Variants in CRISPLD2 observed in about 807,000 individuals in gnomAD.
The protein encoded by CRISPLD2 is cysteine-rich secretory protein LCCL domain-containing 2.
A neutral mutation model predicts 71.1 loss-of-function variants in CRISPLD2; 47 were observed. The observed-to-expected ratio is 0.66, with a 90% CI of 0.52 to 0.84. CRISPLD2 has a LOEUF of 0.84. CRISPLD2 is among the 40% of genes least tolerant of loss of function. The probability of loss-of-function intolerance (pLI) is 0.00; values close to 1 mark genes in which losing one functional copy is unlikely to be tolerated. For synonymous variants in CRISPLD2, 317 were observed against 250.1 expected, an observed-to-expected ratio of 1.27 and a Z score of -2.52; for missense variants, 830 against 651.1, an observed-to-expected ratio of 1.27 and a Z score of -2.99.
intron 2 of CRISPLD2, chr16:84,839,406 C>T (rs16974704): frequency 0.025 from 4,384 of 178,370 alleles, 205 homozygotes; most frequent in African/African-American, 0.099. Flanking sequence ...TTCTCCTTAG[C>T]CCGTGTGAGC....
intron 14 of CRISPLD2, among the ~76,000 whole-genome samples, chr16:84,893,051 A>C (rs2071676669): frequency 6.6e-6 from 1 of 151,568 alleles, no homozygotes; most frequent in Admixed American, 6.6e-5. Context: ...CCCAGGGCAC[A>C]GATGATTGAG....
intron 14 of CRISPLD2, among the ~76,000 whole-genome samples, chr16:84,905,240 C>A (rs1464995519): frequency 6.6e-6 from 1 of 152,134 alleles, no homozygotes; most frequent in Non-Finnish European, 1.5e-5. Flanking sequence ...GCACTCTGGC[C>A]TTGGTGACAG....
Position 84,886,175 on chromosome 16 carries a change from C to T in CRISPLD2, c.1306-3055C>T, listed in dbSNP as rs144470238. 3.3e-5 allele frequency among the ~76,000 whole-genome samples: 5 copies of T among 152,234 alleles called. No individual in the cohort carries two copies. The East Asian group carries it at 9.7e-4, about 29-fold the overall frequency. ...AAAGTCCTGGGATTACAGGTGTAAG[C>T]CACCGCGCCGGCCAAATTGGTATTT... On this transcript the variant is annotated intron_variant, in intron 13 of 14. Coordinates refer to ENST00000262424, the MANE Select transcript of CRISPLD2 (RefSeq NM_031476.4).
rs763846881 is a variant in CRISPLD2 at position 84,868,842 on chromosome 16, C to G, written c.854-9C>G. 1.4e-5 allele frequency: 23 copies of G among 1,611,638 alleles called. No homozygotes were observed. The highest frequency in any genetic ancestry group is 3.3e-5 in the South Asian group (3 of 90,618). Reference sequence around the variant, plus strand: ...TGCCGTGACATGTATTCCCGCATTTCTCTCCTAGCCCAAGTCGTCAGATGT... The same window carrying G: ...TGCCGTGACATGTATTCCCGCATTTGTCTCCTAGCCCAAGTCGTCAGATGT... On this transcript the variant is annotated splice_polypyrimidine_tract_variant and intron_variant, in intron 7 of 14. Transcript: ENST00000262424.
chr16:84,859,069 A>T (rs1295458965), intron 6 of CRISPLD2, among the ~76,000 whole-genome samples: 2 of 152,120 alleles, frequency 1.3e-5, no homozygotes, highest in Non-Finnish European at 2.9e-5. Flanking sequence ...GGGATGCGAT[A>T]TTGTTTTTGA....
chr16:84,867,937 C>T (rs1335627834), intron 7 of CRISPLD2, among the ~76,000 whole-genome samples: 5 of 152,228 alleles, frequency 3.3e-5, no homozygotes, highest in Admixed American at 6.5e-5. Context: ...GCTGCGGGAA[C>T]TCATTTGCAG....
intron 6 of CRISPLD2, among the ~76,000 whole-genome samples, chr16:84,860,492 C>T (rs978313288): frequency 1.3e-5 from 2 of 152,176 alleles, no homozygotes; most frequent in African/African-American, 4.8e-5. Flanking sequence ...TTGGGGTTGG[C>T]TCCTGAGGAG....
intron 1 of CRISPLD2, 140 bp from the exon 2 acceptor site, chr16:84,838,282 G>C (rs1916675110): frequency 1.7e-6 from 1 of 598,734 alleles, no homozygotes; most frequent in Non-Finnish European, 2.9e-6. Flanking sequence ...GTGGGACCTT[G>C]CTTGTTTAGC....
chr16:84,882,347 C>CAAAAAAAAAAAAAAAAAAAAAAAAAAAAA, intron 13 of CRISPLD2, among the ~76,000 whole-genome samples: 1 of 77,490 alleles, frequency 1.3e-5, no homozygotes, highest in Non-Finnish European at 2.5e-5. Flanking sequence ...ACCAATAAAG[C>CAAAAAAAAAAAAAAAAAAAAAAAAAAAAA]AAAAAAAAAA....
chr16:84,852,718 G>A (rs555869711), intron 5 of CRISPLD2, among the ~76,000 whole-genome samples: 9 of 152,188 alleles, frequency 5.9e-5, no homozygotes, highest in South Asian at 2.1e-4. Flanking sequence ...GGGTGGGGTG[G>A]GTGTGTACAC....
At chr16:84,864,444 C>T (rs920398300) in intron 6 of CRISPLD2, among the ~76,000 whole-genome samples, 2 of 152,152 alleles carry the variant, frequency 1.3e-5, no homozygotes, top group South Asian at 2.1e-4. Flanking sequence ...GAAGAAAACC[C>T]GGCTTATTCT....
In CRISPLD2 at chr16:84,868,980, G is replaced by C; in HGVS notation, c.914+69G>C. ...TGTGCTGGGCTGTCCTACCACTGTG[G>C]CCTCTGGGCCTATGCTGGGCTGTCC... On this transcript the variant is annotated intron_variant, in intron 8 of 14. Coordinates refer to ENST00000262424, the MANE Select transcript of CRISPLD2 (RefSeq NM_031476.4). 4.4e-6 allele frequency: 6 copies of C among 1,354,338 alleles called. No homozygotes were observed. The South Asian group carries it at 8.0e-5, about 18-fold the overall frequency. The allele number at this position is 1,354,338 out of a possible 1,614,324, so 83.9% of individuals were successfully genotyped here. A position where few individuals can be genotyped will look rare whatever the true frequency, so the allele number is the denominator to read the frequency against.
intron 1 of CRISPLD2, among the ~76,000 whole-genome samples, chr16:84,830,235 T>C (rs1450208480): frequency 6.6e-6 from 1 of 152,124 alleles, no homozygotes; most frequent in Non-Finnish European, 1.5e-5. Context: ...GGTGGGAGGA[T>C]CATTTGAGCC....
chr16:84,873,922 A>C lies in CRISPLD2; in HGVS notation c.1115A>C (p.Lys372Thr), dbSNP rs772271835. 6.3e-7 allele frequency: 1 copy of C among 1,587,566 alleles called. No homozygotes were observed. The highest frequency in any genetic ancestry group is 1.9e-5 in the Admixed American group (1 of 53,264). The stretch of plus-strand genomic sequence containing the variant: ...TTTTTTTTTTTTTTTTTAAACAGCA[A>C]ATACAAACCTTCCAGCTCATTCATG... Reference protein sequence around the residue: ...SERHGVQSLSKYKPSSSFMVS... With the variant: ...SERHGVQSLSTYKPSSSFMVS... The change falls in exon 11 of 15, where the codon AAA becomes ACA. Residue 372 changes from lysine to threonine, a missense_variant and splice_region_variant. By Grantham distance (78) the Lys-to-Thr change is moderately conservative (BLOSUM62 -1). Coordinates refer to ENST00000262424, the MANE Select transcript of CRISPLD2 (RefSeq NM_031476.4).
chr16:84,854,591 G>C (rs1030509575), intron 5 of CRISPLD2, 138 bp from the exon 6 acceptor site: 1 of 675,416 alleles, frequency 1.5e-6, no homozygotes, highest in Non-Finnish European at 2.7e-6. Context: ...CATCTTTCCC[G>C]CTTCCCACAG....
Position 84,880,842 on chromosome 16 carries a change from GT to G in CRISPLD2, c.1305+260del, listed in dbSNP as rs2143317147. The G allele has an allele frequency of 1.7e-5, 5 of 300,294 alleles. No individual in the cohort carries two copies. The East Asian group carries it at 3.0e-4, about 18-fold the overall frequency. The allele number at this position is 300,294 out of a possible 1,614,324, so 18.6% of individuals were successfully genotyped here. On this transcript the variant is annotated intron_variant, in intron 13 of 14. Coordinates refer to ENST00000262424, the MANE Select transcript of CRISPLD2 (RefSeq NM_031476.4). ...TACCTCAACCTGCCAAGTAGCTGGG[GT>G]TACACAGTGCACCACCATGCCTGGC...
intron 6 of CRISPLD2, among the ~76,000 whole-genome samples, 181 bp from the exon 7 acceptor site, chr16:84,866,716 C>T (rs1230796302): frequency 1.3e-5 from 2 of 152,200 alleles, no homozygotes; most frequent in Non-Finnish European, 2.9e-5. Context: ...CTCATCTGGG[C>T]TGGTAGAATT....
chr16:84,868,925 G>C lies in CRISPLD2; in HGVS notation c.914+14G>C. Reference sequence around the variant, plus strand: ...CACGTGTAACAGGTGAGCCTGTGCTGGGCTGTCCTGCCACTGTAGCCTCTG... The same window carrying C: ...CACGTGTAACAGGTGAGCCTGTGCTCGGCTGTCCTGCCACTGTAGCCTCTG... On this transcript the variant is annotated intron_variant, in intron 8 of 14. Coordinates refer to ENST00000262424, the MANE Select transcript of CRISPLD2 (RefSeq NM_031476.4). 1 of 1,526,316 alleles carries C rather than the reference G, an allele frequency of 6.6e-7. No individual in the cohort carries two copies. The highest frequency in any genetic ancestry group is 9.0e-7 in the Non-Finnish European group (1 of 1,115,604). 94.5% of individuals were successfully genotyped at this position (1,526,316 alleles called of 1,614,324 possible). A position where few individuals can be genotyped will look rare whatever the true frequency, so the allele number is the denominator to read the frequency against.
chr16:84,900,599 T>A (rs1020729465), intron 14 of CRISPLD2, among the ~76,000 whole-genome samples: 6 of 151,460 alleles, frequency 4.0e-5, no homozygotes, highest in Non-Finnish European at 8.8e-5. Context: ...GTCCGGGGAG[T>A]CTGCAGGTGT....
Sources: allele counts gnomAD v4.1 joint callset (sites outside exome capture counted in the v4.1 genomes callset), GRCh38; gene constraint gnomAD v4.1.1; transcripts MANE v1.5; gene names NCBI Gene and HGNC (gene_info 2026-07-23, HGNC 2026-07-21).